Variants in PLXDC2 observed in about 807,000 individuals in gnomAD.
PLXDC2 encodes the protein plexin domain containing 2, also known as plexin domain-containing protein 2.
In PLXDC2, 40 loss-of-function variants were observed where a neutral mutation model predicts 68.9. That is an observed-to-expected ratio of 0.58 (90% CI 0.45 to 0.76). The LOEUF (loss-of-function observed/expected upper bound fraction) is 0.76. Among genes scored for constraint, PLXDC2 ranks in the 30% least tolerant of loss-of-function variants. PLXDC2 has a pLI of 0.00. For missense variants in PLXDC2, 644 were observed against 661.9 expected, an observed-to-expected ratio of 0.97 and a Z score of 0.30; for synonymous variants, 243 against 234.2, an observed-to-expected ratio of 1.04 and a Z score of -0.34.
intron 2 of PLXDC2, among the ~76,000 whole-genome samples, chr10:20,004,156 C>G (rs557384623): frequency 6.6e-6 from 1 of 152,330 alleles, no homozygotes; most frequent in Non-Finnish European, 1.5e-5. Context: ...TTTGTTCCCT[C>G]ACAGTGAGAG....
At chr10:19,973,806 T>C (rs1459841862) in intron 1 of PLXDC2, among the ~76,000 whole-genome samples, 1 of 152,106 alleles carries the variant, frequency 6.6e-6, no homozygotes, top group African/African-American at 2.4e-5. Context: ...GGGACTGAGC[T>C]CCCTGGGAGA....
chr10:20,068,104 G>C, intron 3 of PLXDC2, 66 bp from the exon 4 acceptor site: 1 of 1,355,108 alleles, frequency 7.4e-7, no homozygotes, highest in Non-Finnish European at 1.0e-6. Flanking sequence ...TAAGTGAAAG[G>C]CTCTTCATTT....
chr10:20,090,363 T>G (rs921763822), intron 4 of PLXDC2, among the ~76,000 whole-genome samples: 7 of 152,166 alleles, frequency 4.6e-5, no homozygotes, highest in Non-Finnish European at 8.8e-5. Context: ...AATAGAGGAT[T>G]AGGAAGCCAC....
chr10:20,027,814 TC>T (rs1199560962), intron 2 of PLXDC2, among the ~76,000 whole-genome samples: 2 of 152,132 alleles, frequency 1.3e-5, no homozygotes, highest in Non-Finnish European at 2.9e-5. Context: ...TTTAAAAATC[TC>T]AGAAATTGTC....
chr10:20,250,718 G>A (rs1016330676), intron 13 of PLXDC2, among the ~76,000 whole-genome samples: 2 of 152,102 alleles, frequency 1.3e-5, no homozygotes, highest in East Asian at 3.9e-4. Flanking sequence ...ATACATGCAA[G>A]GACATACATT....
At chr10:19,955,948 G>C (rs764148329) in intron 1 of PLXDC2, among the ~76,000 whole-genome samples, 1 of 151,940 alleles carries the variant, frequency 6.6e-6, no homozygotes, top group Non-Finnish European at 1.5e-5. Context: ...GCATGGTGGC[G>C]GACACCTGTA....
In PLXDC2 at chr10:19,817,326, A is replaced by C. The variant is rs1380193077; in HGVS notation, c.112+135A>C. 3 of 734,024 alleles carry C rather than the reference A, an allele frequency of 4.1e-6. No individual in the cohort carries two copies. The African/African-American group carries it at 5.3e-5, about 13-fold the overall frequency. 45.5% of individuals were successfully genotyped at this position (734,024 alleles called of 1,614,324 possible). A position where few individuals can be genotyped will look rare whatever the true frequency, so the allele number is the denominator to read the frequency against. ...AACTTATTGCAGTTGCTTTTCGGCT[A>C]AACTTAGGCTTCCCAAATGGGGAAA... On this transcript the variant is annotated intron_variant, in intron 1 of 13. Transcript: ENST00000377252.
chr10:19,970,539 A>G (rs1834332540), intron 1 of PLXDC2, among the ~76,000 whole-genome samples: 1 of 152,222 alleles, frequency 6.6e-6, no homozygotes, highest in Non-Finnish European at 1.5e-5. Flanking sequence ...AGCTGTTGCT[A>G]ACTGCAAAGC....
chr10:19,945,829 C>G (rs887114217), intron 1 of PLXDC2, among the ~76,000 whole-genome samples: 1 of 152,082 alleles, frequency 6.6e-6, no homozygotes, highest in Non-Finnish European at 1.5e-5. Flanking sequence ...TGACAAAGCC[C>G]CCAGTTCACT....
chr10:19,935,912 C>G (rs533027532), intron 1 of PLXDC2, among the ~76,000 whole-genome samples: 1 of 152,148 alleles, frequency 6.6e-6, no homozygotes, highest in Non-Finnish European at 1.5e-5. Context: ...ATAGCTAGAT[C>G]CTGTTACTGC....
intron 2 of PLXDC2, among the ~76,000 whole-genome samples, chr10:20,020,802 C>G (rs1482500752): frequency 6.6e-6 from 1 of 152,082 alleles, no homozygotes. Context: ...AATTAGCAGT[C>G]CTTTTTTTCC....
intron 1 of PLXDC2, among the ~76,000 whole-genome samples, chr10:19,974,167 A>T (rs1002523572): frequency 6.6e-6 from 1 of 152,228 alleles, no homozygotes. Context: ...CTAGAGAAAG[A>T]CTCAAATTAT....
intron 1 of PLXDC2, among the ~76,000 whole-genome samples, chr10:19,987,467 T>C (rs1834659919): frequency 6.6e-6 from 1 of 152,218 alleles, no homozygotes; most frequent in Non-Finnish European, 1.5e-5. Flanking sequence ...AATCTGGATG[T>C]AAATGGATTG....
At chr10:20,121,511 G>T (rs1413622395) in intron 4 of PLXDC2, among the ~76,000 whole-genome samples, 1 of 152,184 alleles carries the variant, frequency 6.6e-6, no homozygotes, top group Non-Finnish European at 1.5e-5. Context: ...CTGAAGTAAT[G>T]GGGGCTGTCT....
At chr10:20,143,186 C>T in intron 4 of PLXDC2, 109 bp from the exon 5 acceptor site, 1 of 1,158,092 alleles carries the variant, frequency 8.6e-7, no homozygotes. Flanking sequence ...TTCCAGCTAC[C>T]ATGACATTTT....
chr10:19,941,383 A>G (rs551348582), intron 1 of PLXDC2, among the ~76,000 whole-genome samples: 63 of 152,218 alleles, frequency 4.1e-4, no homozygotes, highest in South Asian at 1.0e-3. Context: ...GTCCTTTCCC[A>G]CTGAATGCAG....
chr10:19,879,921 A>T (rs1837698596), intron 1 of PLXDC2, among the ~76,000 whole-genome samples: 1 of 152,158 alleles, frequency 6.6e-6, no homozygotes, highest in Non-Finnish European at 1.5e-5. Context: ...AGGAGAAAAA[A>T]TATTATGGTG....
At chr10:20,202,604 T>A (rs1834935156) in intron 9 of PLXDC2, among the ~76,000 whole-genome samples, 1 of 152,156 alleles carries the variant, frequency 6.6e-6, no homozygotes, top group Non-Finnish European at 1.5e-5. Flanking sequence ...TATTTCAATA[T>A]GTTCTAGCAT....
chr10:20,253,370 G>T lies in PLXDC2; in HGVS notation c.1473+7865G>T, dbSNP rs996834568. Among the ~76,000 whole-genome samples the T allele has an allele frequency of 5.5e-5, 8 of 145,574 alleles. No homozygotes were observed. The South Asian group carries it at 1.8e-3, about 32-fold the overall frequency. On this transcript the variant is annotated intron_variant, in intron 13 of 13. Transcript: ENST00000377252. Reference sequence around the variant, plus strand: ...ACAGAGTGAGATTCTGTCTCAAAATGATAATAATAATAATAATAATAATAA... The same window carrying T: ...ACAGAGTGAGATTCTGTCTCAAAATTATAATAATAATAATAATAATAATAA...
Sources: gnomAD v4.1 joint callset for allele counts (sites outside exome capture counted in the v4.1 genomes callset) on GRCh38, gnomAD v4.1.1 for gene constraint, MANE v1.5 for transcripts, NCBI Gene and HGNC (gene_info 2026-07-23, HGNC 2026-07-21) for gene names.